FHIT: variants seen among roughly 807,000 people sequenced by gnomAD.
FHIT encodes bis(5'-adenosyl)-triphosphatase.
Under a neutral mutation model 17.9 loss-of-function variants are expected in FHIT, and 19 were observed. That is an observed-to-expected ratio of 1.06 (90% CI 0.74 to 1.56). The LOEUF (loss-of-function observed/expected upper bound fraction) is 1.56, where lower values mean the gene tolerates loss of function less well. Ranked by LOEUF, FHIT falls within the 40% of genes most tolerant of loss-of-function variation. The pLI is 0.00. For missense variants in FHIT, 248 were observed against 189.2 expected, an observed-to-expected ratio of 1.31 and a Z score of -1.82; for synonymous variants, 81 against 69.7, an observed-to-expected ratio of 1.16 and a Z score of -0.81.
At position 60,109,750 on chromosome 3, in the gene FHIT, T is replaced by G. The variant is rs187947093; in HGVS notation, c.104-95598A>C. Reference sequence around the variant, plus strand: ...GCCCCTGGAAGACATGTTCTTAGCTTTGCCTGCTGGCTTTCTGCATAAATC... The same window carrying G: ...GCCCCTGGAAGACATGTTCTTAGCTGTGCCTGCTGGCTTTCTGCATAAATC... On this transcript the variant is annotated intron_variant, in intron 5 of 9. Coordinates refer to ENST00000492590, the MANE Select transcript of FHIT (RefSeq NM_002012.4). Among the ~76,000 whole-genome samples, 119 of 152,310 alleles carry G rather than the reference T, an allele frequency of 7.8e-4. 1 individual carries two copies. The Middle Eastern group carries it at 0.01, about 13-fold the overall frequency.
chr3:61,000,299 T>C (rs2030982363), intron 3 of FHIT, among the ~76,000 whole-genome samples: 1 of 152,170 alleles, frequency 6.6e-6, no homozygotes, highest in South Asian at 2.1e-4. Flanking sequence ...ATGCGACACT[T>C]CTGTTCCAGG....
intron 2 of FHIT, among the ~76,000 whole-genome samples, chr3:61,043,867 G>C (rs770393846): frequency 2.0e-5 from 3 of 152,116 alleles, no homozygotes; most frequent in African/African-American, 4.8e-5. Context: ...AGGCAAACAG[G>C]GTCTGGAGTG....
intron 3 of FHIT, among the ~76,000 whole-genome samples, chr3:60,842,652 T>TACA (rs1702779212): frequency 8.6e-6 from 1 of 116,834 alleles, no homozygotes; most frequent in Non-Finnish European, 1.8e-5. Context: ...TATATTTTTT[T>TACA]TTTTTTTTTT....
At chr3:60,610,523 C>T (rs888893667) in intron 4 of FHIT, among the ~76,000 whole-genome samples, 10 of 152,024 alleles carry the variant, frequency 6.6e-5, no homozygotes, top group African/African-American at 1.9e-4. Flanking sequence ...AACATGGGTG[C>T]GATAGGTTCC....
chr3:60,687,186 T>C (rs2040878925), intron 4 of FHIT, among the ~76,000 whole-genome samples: 1 of 152,206 alleles, frequency 6.6e-6, no homozygotes. Flanking sequence ...AAATAAATAT[T>C]ATTTGCTTGT....
chr3:60,910,129 C>T (rs1706655634), intron 3 of FHIT, among the ~76,000 whole-genome samples: 1 of 152,160 alleles, frequency 6.6e-6, no homozygotes, highest in South Asian at 2.1e-4. Flanking sequence ...TGAGGTGCCC[C>T]ATCTCTCCGC....
At chr3:60,476,881 G>C (rs1022108088) in intron 5 of FHIT, among the ~76,000 whole-genome samples, 12 of 151,488 alleles carry the variant, frequency 7.9e-5, no homozygotes, top group African/African-American at 2.9e-4. Context: ...TTTTCCAGAA[G>C]ACAAAGGGTG....
intron 5 of FHIT, among the ~76,000 whole-genome samples, chr3:60,435,324 G>A (rs1366605971): frequency 6.6e-6 from 1 of 152,094 alleles, no homozygotes; most frequent in Non-Finnish European, 1.5e-5. Context: ...TATTGGACTT[G>A]ATTTGTAAAT....
chr3:60,961,798 T>C (rs1553780991), intron 3 of FHIT, among the ~76,000 whole-genome samples: 1 of 152,230 alleles, frequency 6.6e-6, no homozygotes, highest in Non-Finnish European at 1.5e-5. Flanking sequence ...CTCTCTGTTT[T>C]TGTACCAGTA....
intron 5 of FHIT, among the ~76,000 whole-genome samples, chr3:60,169,979 C>G (rs975702705): frequency 3.9e-5 from 6 of 152,228 alleles, no homozygotes; most frequent in South Asian, 2.1e-4. Context: ...GAATGGACCT[C>G]TGCTGTTTTC....
At chr3:60,031,787 A>G (rs375856799) in intron 5 of FHIT, among the ~76,000 whole-genome samples, 69 of 152,294 alleles carry the variant, frequency 4.5e-4, no homozygotes, top group Admixed American at 3.6e-3. Context: ...CAGAGGGTGC[A>G]TGGATAAAAG....
At chr3:60,506,598 C>G (rs958266940) in intron 5 of FHIT, among the ~76,000 whole-genome samples, 1 of 152,150 alleles carries the variant, frequency 6.6e-6, no homozygotes, top group African/African-American at 2.4e-5. Flanking sequence ...ATGTGATGTG[C>G]TTTGGCCAAT....
chr3:60,695,016 C>T (rs143112926), intron 4 of FHIT, among the ~76,000 whole-genome samples: 1 of 152,166 alleles, frequency 6.6e-6, no homozygotes, highest in African/African-American at 2.4e-5. Context: ...ACATATGTAA[C>T]AAACCTGCAC....
chr3:60,240,601 G>A (rs896230535), intron 5 of FHIT, among the ~76,000 whole-genome samples: 3 of 152,116 alleles, frequency 2.0e-5, no homozygotes, highest in African/African-American at 4.8e-5. Context: ...ATATAATTTC[G>A]TTTTTATACA....
At chr3:60,754,899 C>T (rs541675873) in intron 4 of FHIT, among the ~76,000 whole-genome samples, 3 of 152,128 alleles carry the variant, frequency 2.0e-5, no homozygotes, top group African/African-American at 4.8e-5. Context: ...CTCCATTTTT[C>T]CTTCCTCTCA....
At chr3:59,818,370 G>T (rs1436588976) in intron 8 of FHIT, among the ~76,000 whole-genome samples, 2 of 152,064 alleles carry the variant, frequency 1.3e-5, no homozygotes, top group Admixed American at 6.5e-5. Flanking sequence ...CCTAAGTGGG[G>T]TTAATTCACG....
chr3:60,478,986 T>G (rs546923721), intron 5 of FHIT, among the ~76,000 whole-genome samples: 1 of 152,274 alleles, frequency 6.6e-6, no homozygotes, highest in South Asian at 2.1e-4. Flanking sequence ...TTATATTGTT[T>G]TCCATGGAAC....
chr3:61,162,580 T>A (rs1335743718), intron 2 of FHIT, among the ~76,000 whole-genome samples: 1 of 152,216 alleles, frequency 6.6e-6, no homozygotes, highest in African/African-American at 2.4e-5. Flanking sequence ...ACATATATTA[T>A]GATTCAAGCA....
chr3:60,682,455 T>C (rs1484863559), intron 4 of FHIT, among the ~76,000 whole-genome samples: 1 of 152,234 alleles, frequency 6.6e-6, no homozygotes, highest in Non-Finnish European at 1.5e-5. Context: ...TTGACCATTC[T>C]GAAAATGCTA....
Sources: gnomAD v4.1 joint callset for allele counts (sites outside exome capture counted in the v4.1 genomes callset) on GRCh38, gnomAD v4.1.1 for gene constraint, MANE v1.5 for transcripts, NCBI Gene and HGNC (gene_info 2026-07-23, HGNC 2026-07-21) for gene names.